Variants in RIT2 observed in about 807,000 individuals in gnomAD.
RIT2 encodes Ras like without CAAX 2.
Under a neutral mutation model 23.7 loss-of-function variants are expected in RIT2, and 24 were observed. The ratio of observed to expected loss-of-function variants is 1.01; its 90% CI spans 0.73 to 1.43. RIT2 has a LOEUF of 1.43. RIT2 is among the 40% of genes most tolerant of loss of function. RIT2 has a pLI of 0.00. For synonymous variants in RIT2, 107 were observed against 91.1 expected (o/e 1.17, Z -0.99); for missense variants, 236 against 266.9 (o/e 0.88, Z 0.81).
chr18:42,925,137 A>G (rs1387474510), intron 3 of RIT2, among the ~76,000 whole-genome samples: 1 of 152,098 alleles, frequency 6.6e-6, no homozygotes, highest in Non-Finnish European at 1.5e-5. Flanking sequence ...ATTACTTAGC[A>G]TTAATTTTTA....
At chr18:42,837,153 C>CTTTTCTTTTT (rs1568008832) in intron 4 of RIT2, among the ~76,000 whole-genome samples, 11 of 51,700 alleles carry the variant, frequency 2.1e-4, no homozygotes, top group Non-Finnish European at 3.2e-4. Context: ...TTTTCTTTTT[C>CTTTTCTTTTT]TTTTTTTTTT....
chr18:42,874,426 C>A (rs1385956596), intron 4 of RIT2, among the ~76,000 whole-genome samples: 4 of 152,070 alleles, frequency 2.6e-5, no homozygotes, highest in African/African-American at 7.2e-5. Flanking sequence ...TTTGCATAAA[C>A]ACAACTAGTA....
chr18:43,054,785 T>A (rs1199183243), intron 1 of RIT2, among the ~76,000 whole-genome samples: 1 of 152,074 alleles, frequency 6.6e-6, no homozygotes, highest in African/African-American at 2.4e-5. Context: ...TTTAAATTGT[T>A]TAAATTTGAT....
chr18:42,787,571 C>T (rs1913951750), intron 4 of RIT2, among the ~76,000 whole-genome samples: 2 of 152,244 alleles, frequency 1.3e-5, no homozygotes, highest in African/African-American at 2.4e-5. Flanking sequence ...CATGAGTTAG[C>T]AGGTTCGGAG....
chr18:43,106,799 T>A (rs1272668670), intron 1 of RIT2, among the ~76,000 whole-genome samples: 1 of 152,138 alleles, frequency 6.6e-6, no homozygotes, highest in Non-Finnish European at 1.5e-5. Context: ...AGAATTATAG[T>A]AGGCAGAAAG....
At chr18:43,091,000 A>G (rs904635626) in intron 1 of RIT2, among the ~76,000 whole-genome samples, 11 of 152,000 alleles carry the variant, frequency 7.2e-5, no homozygotes, top group Non-Finnish European at 4.4e-5. Flanking sequence ...TGACAAGTTT[A>G]CCTATATGAC....
chr18:42,929,839 C>T (rs1187808579), intron 3 of RIT2, among the ~76,000 whole-genome samples: 1 of 152,022 alleles, frequency 6.6e-6, no homozygotes, highest in Non-Finnish European at 1.5e-5. Context: ...AGGGGAACTC[C>T]AAAGAAGACT....
chr18:42,807,043 T>C (rs992856345), intron 4 of RIT2, among the ~76,000 whole-genome samples: 3 of 152,240 alleles, frequency 2.0e-5, no homozygotes, highest in Admixed American at 1.3e-4. Context: ...TTGTATTAAT[T>C]GTAACTGTTC....
intron 4 of RIT2, among the ~76,000 whole-genome samples, chr18:42,855,681 G>T (rs2144042175): frequency 6.6e-6 from 1 of 152,190 alleles, no homozygotes; most frequent in African/African-American, 2.4e-5. Flanking sequence ...ATTTCAAAAA[G>T]TTCACAAAGT....
intron 3 of RIT2, among the ~76,000 whole-genome samples, chr18:42,927,770 T>C (rs897845262): frequency 6.6e-6 from 1 of 152,064 alleles, no homozygotes; most frequent in Non-Finnish European, 1.5e-5. Context: ...TTCAGAGCTA[T>C]TCTGAATACA....
intron 1 of RIT2, among the ~76,000 whole-genome samples, chr18:43,039,659 T>C (rs1598757661): frequency 6.6e-6 from 1 of 152,100 alleles, no homozygotes; most frequent in African/African-American, 2.4e-5. Flanking sequence ...CTGCTTTATT[T>C]TTCTACTTAG....
At chr18:42,962,865 G>A (rs1016844445) in intron 3 of RIT2, among the ~76,000 whole-genome samples, 1 of 152,078 alleles carries the variant, frequency 6.6e-6, no homozygotes, top group Non-Finnish European at 1.5e-5. Flanking sequence ...TGGTCTGCAG[G>A]ACAATCCTAT....
chr18:42,940,034 A>G (rs919591558), intron 3 of RIT2, among the ~76,000 whole-genome samples: 7 of 151,816 alleles, frequency 4.6e-5, no homozygotes, highest in African/African-American at 1.5e-4. Flanking sequence ...AAAGAAGCCA[A>G]CACTGGTGTT....
chr18:42,974,188 G>A, intron 2 of RIT2, 41 bp from the exon 3 acceptor site: 1 of 1,344,982 alleles, frequency 7.4e-7, no homozygotes, highest in African/African-American at 1.4e-5. Context: ...AATGTGACAG[G>A]AAAGGCATTA....
intron 4 of RIT2, among the ~76,000 whole-genome samples, chr18:42,744,721 G>A (rs1040970441): frequency 6.6e-6 from 1 of 152,078 alleles, no homozygotes; most frequent in Admixed American, 6.6e-5. Context: ...ATAGTCCAGA[G>A]CTTTCACTGA....
At chr18:43,030,603 G>A (rs1312011243) in intron 2 of RIT2, among the ~76,000 whole-genome samples, 1 of 152,028 alleles carries the variant, frequency 6.6e-6, no homozygotes, top group Non-Finnish European at 1.5e-5. Flanking sequence ...TTGGTTCTGT[G>A]TAGAAACCAA....
chr18:42,963,112 T>G (rs1944418), intron 3 of RIT2, among the ~76,000 whole-genome samples: 29,271 of 152,116 alleles, frequency 0.19, 3,070 homozygotes, highest in Middle Eastern at 0.24. Flanking sequence ...AGAATTGATT[T>G]CTAATGGAGA....
At chr18:42,748,706 C>T (rs996558775) in intron 4 of RIT2, among the ~76,000 whole-genome samples, 1 of 151,552 alleles carries the variant, frequency 6.6e-6, no homozygotes, top group African/African-American at 2.4e-5. Context: ...CAAGTGGGAG[C>T]TAAGATATGA....
chr18:42,972,262 A>T (rs1910379519), intron 3 of RIT2, among the ~76,000 whole-genome samples: 1 of 151,888 alleles, frequency 6.6e-6, no homozygotes, highest in Non-Finnish European at 1.5e-5. Context: ...ATATATTCCC[A>T]GTGGCTTCAA....
Sources: gnomAD v4.1 joint callset for allele counts (sites outside exome capture counted in the v4.1 genomes callset) on GRCh38, gnomAD v4.1.1 for gene constraint, MANE v1.5 for transcripts, NCBI Gene and HGNC (gene_info 2026-07-23, HGNC 2026-07-21) for gene names.